SEMA5A: variants seen among roughly 807,000 people sequenced by gnomAD.
The protein encoded by SEMA5A is semaphorin 5A, also known as semaphorin-5A.
A neutral mutation model predicts 135.5 loss-of-function variants in SEMA5A; 55 were observed. The ratio of observed to expected loss-of-function variants is 0.41; its 90% CI spans 0.33 to 0.51. The LOEUF is 0.51. Among genes scored for constraint, SEMA5A ranks in the 20% least tolerant of loss-of-function variants. The pLI, the probability that SEMA5A is intolerant of heterozygous loss-of-function variation, is 0.37. For synonymous variants in SEMA5A, 580 were observed against 546.5 expected (o/e 1.06, Z -0.85); for missense variants, 1,290 against 1,419.9 (o/e 0.91, Z 1.47).
chr5:9,087,299 T>A (rs549281055), intron 16 of SEMA5A, among the ~76,000 whole-genome samples: 2 of 152,210 alleles, frequency 1.3e-5, no homozygotes, highest in East Asian at 1.9e-4. Flanking sequence ...ACTTAAACAT[T>A]TCTAGACTTT....
chr5:9,059,918 T>C (rs1737090971), intron 18 of SEMA5A, among the ~76,000 whole-genome samples: 1 of 152,222 alleles, frequency 6.6e-6, no homozygotes, highest in Non-Finnish European at 1.5e-5. Flanking sequence ...CCATTTGTAA[T>C]TGTCCACTAT....
At chr5:9,414,962 G>A (rs1757234581) in intron 2 of SEMA5A, among the ~76,000 whole-genome samples, 1 of 152,112 alleles carries the variant, frequency 6.6e-6, no homozygotes, top group African/African-American at 2.4e-5. Flanking sequence ...CCCTTTCATA[G>A]GCGACTGCTC....
intron 11 of SEMA5A, among the ~76,000 whole-genome samples, chr5:9,159,078 T>G (rs1013671324): frequency 1.3e-5 from 2 of 152,198 alleles, no homozygotes; most frequent in African/African-American, 2.4e-5. Context: ...GGCAGCCCTA[T>G]TACATCACAT....
At chr5:9,124,140 G>A (rs534144105) in intron 13 of SEMA5A, among the ~76,000 whole-genome samples, 1 of 152,090 alleles carries the variant, frequency 6.6e-6, no homozygotes, top group East Asian at 1.9e-4. Flanking sequence ...CCAGGGCAGG[G>A]ACCTTATGGG....
chr5:9,040,929 T>C lies in SEMA5A; in HGVS notation c.*1968A>G, dbSNP rs1561090656. The C allele has an allele frequency of 6.6e-6, 1 of 152,196 alleles. No homozygotes were observed. Among genetic ancestry groups the C allele is most frequent in the Non-Finnish European group, 1.5e-5 (1 of 68,042 alleles). The allele number at this position is 152,196 out of a possible 1,614,324, so 9.4% of individuals were successfully genotyped here. A position where few individuals can be genotyped will look rare whatever the true frequency, so the allele number is the denominator to read the frequency against. ...GAAACTGATGAGATGAGTTGAAATA[T>C]CTGATGATGAAAATCCAGCCGAGGA... On this transcript the variant is annotated 3_prime_UTR_variant, in exon 23 of 23. Coordinates refer to ENST00000382496, the MANE Select transcript of SEMA5A (RefSeq NM_003966.3).
intron 1 of SEMA5A, among the ~76,000 whole-genome samples, chr5:9,479,619 G>A (rs1448993392): frequency 6.6e-6 from 1 of 152,192 alleles, no homozygotes; most frequent in African/African-American, 2.4e-5. Context: ...AACGGAAGTG[G>A]TTATTATTGG....
At chr5:9,326,460 G>C (rs1752879840) in intron 4 of SEMA5A, among the ~76,000 whole-genome samples, 1 of 152,038 alleles carries the variant, frequency 6.6e-6, no homozygotes, top group Non-Finnish European at 1.5e-5. Flanking sequence ...CGCTGTGTTG[G>C]CCAGGCTGGT....
At chr5:9,463,376 C>T (rs548604381) in intron 1 of SEMA5A, among the ~76,000 whole-genome samples, 2 of 152,170 alleles carry the variant, frequency 1.3e-5, no homozygotes, top group Admixed American at 6.5e-5. Context: ...ATATTAAAGT[C>T]TTCTCGAGGG....
intron 2 of SEMA5A, among the ~76,000 whole-genome samples, chr5:9,431,797 C>T (rs766808309): frequency 7.2e-5 from 11 of 152,204 alleles, no homozygotes; most frequent in Non-Finnish European, 1.0e-4. Context: ...ATTAACCCCA[C>T]ACACATCTGC....
At chr5:9,438,824 G>A (rs888040930) in intron 1 of SEMA5A, among the ~76,000 whole-genome samples, 5 of 152,152 alleles carry the variant, frequency 3.3e-5, no homozygotes, top group East Asian at 1.9e-4. Flanking sequence ...ATTCCCACAC[G>A]GTCAGCTTCA....
At chr5:9,085,175 G>C (rs927526150) in intron 16 of SEMA5A, among the ~76,000 whole-genome samples, 2 of 152,184 alleles carry the variant, frequency 1.3e-5, no homozygotes, top group African/African-American at 4.8e-5. Flanking sequence ...TAAAAGTTTG[G>C]AAAATTTGCA....
At chr5:9,524,963 G>A (rs1468796918) in intron 1 of SEMA5A, among the ~76,000 whole-genome samples, 3 of 152,056 alleles carry the variant, frequency 2.0e-5, no homozygotes, top group African/African-American at 7.2e-5. Context: ...AAAAGAGAGA[G>A]AGGAAAAAAG....
At chr5:9,505,231 T>TA (rs1735812374) in intron 1 of SEMA5A, among the ~76,000 whole-genome samples, 1 of 152,214 alleles carries the variant, frequency 6.6e-6, no homozygotes, top group African/African-American at 2.4e-5. Flanking sequence ...CCAGTTCCCT[T>TA]TCCCTGCCCT....
At chr5:9,515,482 A>G (rs17327396) in intron 1 of SEMA5A, among the ~76,000 whole-genome samples, 3,908 of 152,312 alleles carry the variant, frequency 0.026, 79 homozygotes, top group Non-Finnish European at 0.039. Context: ...TGAAAAATGC[A>G]TGTGTAATAT....
chr5:9,049,218 G>A (rs1306207400), intron 21 of SEMA5A, among the ~76,000 whole-genome samples: 1 of 152,068 alleles, frequency 6.6e-6, no homozygotes. Flanking sequence ...CTGGAATGCA[G>A]TGGCACGATC....
chr5:9,088,920 C>G (rs1198472032), intron 16 of SEMA5A, among the ~76,000 whole-genome samples: 1 of 152,120 alleles, frequency 6.6e-6, no homozygotes, highest in African/African-American at 2.4e-5. Flanking sequence ...CCACATGGCA[C>G]AGTCTGATAG....
chr5:9,303,119 A>AAT (rs1751692587), intron 5 of SEMA5A, among the ~76,000 whole-genome samples: 2 of 142,836 alleles, frequency 1.4e-5, no homozygotes, highest in South Asian at 2.2e-4. Flanking sequence ...TATATATATA[A>AAT]TTTTTTTTTT....
Position 9,440,358 on chromosome 5 carries a change from C to T in SEMA5A, c.-174-2506G>A, listed in dbSNP as rs140861512. Among the ~76,000 whole-genome samples the T allele has an allele frequency of 5.8e-4, 89 of 152,296 alleles. No individual in the cohort carries two copies. The East Asian group carries it at 0.015, about 25-fold the overall frequency. On this transcript the variant is annotated intron_variant, in intron 1 of 22. Transcript: ENST00000382496. ...GACTGGAAGTTGGAAAATTTTTAAG[C>T]GACAGTTAACTACCCATTTAATAAG... is the stretch of plus-strand genomic sequence containing the variant.
At chr5:9,515,051 C>A (rs1561313397) in intron 1 of SEMA5A, among the ~76,000 whole-genome samples, 3 of 152,180 alleles carry the variant, frequency 2.0e-5, no homozygotes, top group Admixed American at 2.0e-4. Context: ...ATTTAATATA[C>A]TAAACTACAT....
Sources: allele counts gnomAD v4.1 joint callset (sites outside exome capture counted in the v4.1 genomes callset), GRCh38; gene constraint gnomAD v4.1.1; transcripts MANE v1.5; gene names NCBI Gene and HGNC (gene_info 2026-07-23, HGNC 2026-07-21).